The following ITGB6 variants were observed in gnomAD, a reference collection of about 807,000 sequenced individuals.
The protein encoded by ITGB6 is integrin subunit beta 6, also known as integrin beta-6.
A neutral mutation model predicts 84.5 loss-of-function variants in ITGB6; 80 were observed. The observed-to-expected ratio is 0.95, with a 90% CI of 0.79 to 1.14. The LOEUF (loss-of-function observed/expected upper bound fraction) is 1.14. Among genes scored for constraint, ITGB6 ranks in the 50% most tolerant of loss-of-function variants. The pLI, the probability that ITGB6 is intolerant of heterozygous loss-of-function variation, is 0.00. For missense variants in ITGB6, 1,006 were observed against 968.0 expected (o/e 1.04, Z -0.52); for synonymous variants, 383 against 354.9 (o/e 1.08, Z -0.89).
In ITGB6 at chr2:160,196,401, C is replaced by T; in HGVS notation, c.161G>A (p.Gly54Glu). 1.2e-6 allele frequency: 2 copies of T among 1,611,948 alleles called. No individual in the cohort carries two copies. Among genetic ancestry groups the T allele is most frequent in the Middle Eastern group, 3.3e-4 (2 of 6,054 alleles). ...TGGGGTATCACACCTTTCGCCAACT[C>T]CAGATGGATGAGTAAAATTCTAAAA... is the stretch of plus-strand genomic sequence containing the variant. ...CAQENFTHPS[G>E]VGERCDTPAN... Residue 54 changes from glycine (G) to glutamate (E), a missense_variant, in exon 3 of 15, where the codon GGA (glycine) becomes GAA (glutamate). Coordinates refer to ENST00000283249, the MANE Select transcript of ITGB6 (RefSeq NM_000888.5).
chr2:160,188,015 T>C (rs1193670809), intron 4 of ITGB6, among the ~76,000 whole-genome samples: 2 of 152,162 alleles, frequency 1.3e-5, no homozygotes, highest in East Asian at 3.8e-4. Flanking sequence ...TCTGTTTTGT[T>C]ATGAGTTCAT....
chr2:160,195,242 G>A, intron 4 of ITGB6, 127 bp downstream of exon 4: 1 of 1,197,342 alleles, frequency 8.4e-7, no homozygotes, highest in Non-Finnish European at 1.2e-6. Flanking sequence ...TGAGAGAACT[G>A]CTGAGATCCA....
At chr2:160,195,303 G>T in intron 4 of ITGB6, 66 bp downstream of exon 4, 6 of 1,595,198 alleles carry the variant, frequency 3.8e-6, no homozygotes, top group Non-Finnish European at 3.4e-6. Flanking sequence ...GGCAAGTGCA[G>T]CTCAGAGCGG....
chr2:160,167,371 T>C (rs917164829), intron 7 of ITGB6, among the ~76,000 whole-genome samples: 2 of 152,212 alleles, frequency 1.3e-5, no homozygotes, highest in Non-Finnish European at 2.9e-5. Context: ...CTGCCCCTAC[T>C]AATGCAGATG....
intron 4 of ITGB6, among the ~76,000 whole-genome samples, chr2:160,175,474 C>T (rs1035326291): frequency 8.5e-5 from 13 of 152,334 alleles, no homozygotes; most frequent in East Asian, 1.9e-4. Context: ...TGGTGCTCTG[C>T]CTTCTTATTT....
At chr2:160,179,512 C>G (rs2105878045) in intron 4 of ITGB6, among the ~76,000 whole-genome samples, 1 of 150,212 alleles carries the variant, frequency 6.7e-6, no homozygotes, top group South Asian at 2.1e-4. Flanking sequence ...TCCCGAGTAG[C>G]TGAGATTACA....
At chr2:160,168,609 G>T (rs530396966) in intron 7 of ITGB6, among the ~76,000 whole-genome samples, 6 of 152,256 alleles carry the variant, frequency 3.9e-5, no homozygotes, top group Non-Finnish European at 2.9e-5. Flanking sequence ...TTGCACAGTG[G>T]TTTGGGGACA....
intron 11 of ITGB6, among the ~76,000 whole-genome samples, chr2:160,125,975 T>C (rs933263392): frequency 6.6e-6 from 1 of 152,154 alleles, no homozygotes; most frequent in African/African-American, 2.4e-5. Context: ...GGCTATAAAC[T>C]TCTAGATAAG....
chr2:160,153,705 T>C (rs998258786), intron 7 of ITGB6, among the ~76,000 whole-genome samples: 54 of 152,022 alleles, frequency 3.6e-4, no homozygotes, highest in African/African-American at 1.1e-3. Flanking sequence ...AAAGGGCTAA[T>C]ATCCAGAATC....
chr2:160,137,181 G>A (rs1683773398), intron 10 of ITGB6, among the ~76,000 whole-genome samples: 2 of 152,132 alleles, frequency 1.3e-5, no homozygotes, highest in South Asian at 4.1e-4. Context: ...CAGAGAGAAG[G>A]CACTTGTATC....
At chr2:160,143,760 T>C (rs1416510523) in intron 7 of ITGB6, among the ~76,000 whole-genome samples, 1 of 152,184 alleles carries the variant, frequency 6.6e-6, no homozygotes. Context: ...TGGATAATTA[T>C]CATTAATTAT....
chr2:160,159,301 GGGTTT>G (rs1684737288), intron 7 of ITGB6, among the ~76,000 whole-genome samples: 2 of 152,088 alleles, frequency 1.3e-5, no homozygotes, highest in Admixed American at 6.5e-5. Flanking sequence ...CCTACACATT[GGGTTT>G]GTTAGTAAAG....
intron 4 of ITGB6, among the ~76,000 whole-genome samples, chr2:160,194,129 C>T (rs1295773281): frequency 2.0e-5 from 3 of 152,164 alleles, no homozygotes; most frequent in South Asian, 2.1e-4. Flanking sequence ...AGCACTCTGG[C>T]CTGGGTGACA....
chr2:160,188,362 G>T lies in ITGB6; in HGVS notation c.593+7007C>A, dbSNP rs1009481580. Among the ~76,000 whole-genome samples the T allele has an allele frequency of 2.0e-5, 3 of 152,106 alleles. No individual in the cohort carries two copies. The East Asian group carries it at 5.8e-4, about 29-fold the overall frequency. On this transcript the variant is annotated intron_variant, in intron 4 of 14. Coordinates refer to ENST00000283249, the MANE Select transcript of ITGB6 (RefSeq NM_000888.5). ...ATAATCTTGCCACAAAAAAGAACTT[G>T]CTATTTACCACCTTAATGGTAAATT...
intron 13 of ITGB6, among the ~76,000 whole-genome samples, chr2:160,108,214 A>AGT (rs57363305): frequency 0.094 from 13,423 of 142,652 alleles, 683 homozygotes; most frequent in Middle Eastern, 0.16. Context: ...GCAGAAATGG[A>AGT]GTGTGTGTGT....
intron 4 of ITGB6, among the ~76,000 whole-genome samples, chr2:160,192,728 G>T (rs901530104): frequency 1.3e-5 from 2 of 151,704 alleles, no homozygotes; most frequent in African/African-American, 4.8e-5. Flanking sequence ...TCTATTTTTT[G>T]GCAAAATATA....
At chr2:160,116,032 C>G (rs1298042295) in intron 12 of ITGB6, among the ~76,000 whole-genome samples, 3 of 145,936 alleles carry the variant, frequency 2.1e-5, no homozygotes, top group Non-Finnish European at 3.0e-5. Flanking sequence ...AAATCTACTT[C>G]TGATTGGTGT....
chr2:160,187,007 C>A (rs1419175431), intron 4 of ITGB6, among the ~76,000 whole-genome samples: 1 of 152,024 alleles, frequency 6.6e-6, no homozygotes, highest in Non-Finnish European at 1.5e-5. Context: ...AGGAGAAATA[C>A]CTAACGTAGA....
intron 12 of ITGB6, among the ~76,000 whole-genome samples, chr2:160,120,852 A>T (rs1683002903): frequency 6.9e-6 from 1 of 145,520 alleles, no homozygotes; most frequent in Admixed American, 6.9e-5. Context: ...ATAGGTGGGA[A>T]TTGAACAATG....
Sources: allele counts gnomAD v4.1 joint callset (sites outside exome capture counted in the v4.1 genomes callset), GRCh38; gene constraint gnomAD v4.1.1; transcripts MANE v1.5; gene names NCBI Gene and HGNC (gene_info 2026-07-23, HGNC 2026-07-21).